The following SASH1 variants were observed in gnomAD, a reference collection of about 807,000 sequenced individuals.
SASH1 encodes SAM and SH3 domain containing 1.
Under a neutral mutation model 125.2 loss-of-function variants are expected in SASH1, and 44 were observed. The ratio of observed to expected loss-of-function variants is 0.35; its 90% CI spans 0.28 to 0.45. SASH1 has a LOEUF of 0.45. Ranked by LOEUF, SASH1 falls within the 20% of genes least tolerant of loss-of-function variation. The probability of loss-of-function intolerance (pLI) is 1.00; values close to 1 mark genes in which losing one functional copy is unlikely to be tolerated. For synonymous variants in SASH1, 639 were observed against 649.1 expected (o/e 0.98, Z 0.24); for missense variants, 1,426 against 1,614.5 (o/e 0.88, Z 2.00).
intron 1 of SASH1, among the ~76,000 whole-genome samples, chr6:148,287,694 T>TG (rs71546203): frequency 1.5e-5 from 2 of 132,300 alleles, no homozygotes; most frequent in Non-Finnish European, 3.3e-5. Context: ...TGCGTGTGTG[T>TG]GGGGGGGTGG....
intron 2 of SASH1, among the ~76,000 whole-genome samples, chr6:148,439,168 G>A (rs1390834975): frequency 6.6e-6 from 1 of 152,140 alleles, no homozygotes; most frequent in African/African-American, 2.4e-5. Flanking sequence ...TTTCAAAGGA[G>A]ATACAGCCTC....
At chr6:148,260,329 TG>T in the SASH1 span, among the ~76,000 whole-genome samples, 1 of 152,162 alleles carries the variant, frequency 6.6e-6, no homozygotes, top group African/African-American at 2.4e-5. Context: ...TTTTTAAAGC[TG>T]GGTGCCATGA....
chr6:148,220,240 T>C, the SASH1 span, among the ~76,000 whole-genome samples: 1 of 152,128 alleles, frequency 6.6e-6, no homozygotes. Context: ...CTCTGCTTCC[T>C]CAATGGCACC....
intron 1 of SASH1, among the ~76,000 whole-genome samples, chr6:148,314,833 T>C (rs988625267): frequency 6.6e-6 from 1 of 151,138 alleles, no homozygotes; most frequent in Admixed American, 6.6e-5. Context: ...CTTGGCTCAC[T>C]GCAACCTCTG....
chr6:148,381,245 T>C (rs1403344220), intron 1 of SASH1, among the ~76,000 whole-genome samples: 2 of 152,262 alleles, frequency 1.3e-5, no homozygotes, highest in East Asian at 1.9e-4. Context: ...TTCTTCCCAG[T>C]AGGTAGTTGG....
intron 6 of SASH1, among the ~76,000 whole-genome samples, chr6:148,473,561 T>A (rs533811618): frequency 1.2e-4 from 19 of 152,320 alleles, no homozygotes; most frequent in African/African-American, 4.1e-4. Context: ...GTGCACTTAG[T>A]TTTGAGGAAT....
chr6:148,518,229 G>T (rs2115345450), intron 9 of SASH1, among the ~76,000 whole-genome samples: 1 of 152,216 alleles, frequency 6.6e-6, no homozygotes, highest in East Asian at 1.9e-4. Flanking sequence ...TGCCTTTAAA[G>T]TCCCCCTGAA....
At chr6:148,389,229 C>G (rs1387770838) in intron 1 of SASH1, among the ~76,000 whole-genome samples, 2 of 152,202 alleles carry the variant, frequency 1.3e-5, no homozygotes, top group Non-Finnish European at 2.9e-5. Flanking sequence ...CGTGTTACTC[C>G]AGTAGTCCTC....
chr6:148,544,943 A>G lies in SASH1; in HGVS notation c.3348+125A>G, dbSNP rs1334367087. ...CGCCCAGTGGACAGGAGACACCTGAATCCACGTGTCCACACCTTACTTGAC... is the reference window on the plus strand; with the variant it reads ...CGCCCAGTGGACAGGAGACACCTGAGTCCACGTGTCCACACCTTACTTGAC... On this transcript the variant is annotated intron_variant, in intron 18 of 19. Transcript: ENST00000367467. The surrounding 1 kb of genome is among the most constrained non-coding windows in gnomAD (Gnocchi z 6.4). The G allele has an allele frequency of 1.1e-5, 9 of 845,942 alleles. No homozygotes were observed. Among genetic ancestry groups the G allele is most frequent in the Non-Finnish European group, 1.6e-5 (9 of 558,002 alleles). 52.4% of individuals were successfully genotyped at this position (845,942 alleles called of 1,614,324 possible).
chr6:148,297,188 G>T (rs1779787424), intron 1 of SASH1, among the ~76,000 whole-genome samples: 1 of 152,216 alleles, frequency 6.6e-6, no homozygotes, highest in Non-Finnish European at 1.5e-5. Context: ...CTGTCGCGGG[G>T]AGCAGCCGAC....
chr6:148,536,640 A>C (rs1329145033), intron 16 of SASH1, among the ~76,000 whole-genome samples: 1 of 152,176 alleles, frequency 6.6e-6, no homozygotes, highest in Admixed American at 6.5e-5. Context: ...GCATCCAACC[A>C]ACAGCTGGTT....
At chr6:148,326,034 CTT>C (rs67220775) in intron 1 of SASH1, among the ~76,000 whole-genome samples, 10 of 142,104 alleles carry the variant, frequency 7.0e-5, no homozygotes, top group Admixed American at 4.2e-4. Context: ...TGCTCTTGAA[CTT>C]TTTTTTTTTT....
chr6:148,478,977 T>C (rs531690707), intron 7 of SASH1: 1 of 155,064 alleles, frequency 6.4e-6, no homozygotes, highest in East Asian at 1.9e-4. Flanking sequence ...ATGAGAAGTA[T>C]GGACCTGTAT....
At position 148,520,233 on chromosome 6, in the gene SASH1, C is replaced by T. The variant is rs140309117; in HGVS notation, c.1209+340C>T. 9 of 243,758 alleles carry T rather than the reference C, an allele frequency of 3.7e-5. No individual in the cohort carries two copies. The East Asian group carries it at 4.5e-4, about 12-fold the overall frequency. The allele number at this position is 243,758 out of a possible 1,614,324, so 15.1% of individuals were successfully genotyped here. ...CCACCTGAACCTGACCCAGCTAGTG[C>T]GGCCTGCCTCAGACAGGACCCTGAG... On this transcript the variant is annotated intron_variant, in intron 10 of 19. Transcript: ENST00000367467.
intron 8 of SASH1, among the ~76,000 whole-genome samples, chr6:148,492,702 T>G (rs1779157032): frequency 6.6e-6 from 1 of 152,050 alleles, no homozygotes. Flanking sequence ...GTGCCTATAG[T>G]CCCAGCTACT....
At chr6:148,514,826 G>A (rs957144681) in intron 9 of SASH1, among the ~76,000 whole-genome samples, 1 of 152,200 alleles carries the variant, frequency 6.6e-6, no homozygotes, top group Non-Finnish European at 1.5e-5. Context: ...TTCTTGCTCA[G>A]TGAATTTAGT....
chr6:148,544,905 C>G lies in SASH1; in HGVS notation c.3348+87C>G, dbSNP rs921727960. On this transcript the variant is annotated intron_variant, in intron 18 of 19. Coordinates refer to ENST00000367467, the MANE Select transcript of SASH1 (RefSeq NM_015278.5). This position sits in a 1 kb window ranked among gnomAD's most constrained non-coding sequence, Gnocchi z 6.4. Reference sequence around the variant, plus strand: ...GGTGAGATGAACCCACATCTGAAGCCAGCCCGGTAGCCCGCCCAGTGGACA... The same window carrying G: ...GGTGAGATGAACCCACATCTGAAGCGAGCCCGGTAGCCCGCCCAGTGGACA... The G allele has an allele frequency of 6.3e-5, 86 of 1,357,724 alleles. No homozygotes were observed. In the Admixed American group the frequency reaches 2.2e-3, roughly 34 times the overall value. The allele number at this position is 1,357,724 out of a possible 1,614,324, so 84.1% of individuals were successfully genotyped here.
chr6:148,198,421 T>C, the SASH1 span, among the ~76,000 whole-genome samples: 44 of 152,384 alleles, frequency 2.9e-4, no homozygotes, highest in East Asian at 8.1e-3. Context: ...TCTGTCTTTA[T>C]TGATATTGAG....
At chr6:148,371,421 T>C (rs899923079) in intron 1 of SASH1, among the ~76,000 whole-genome samples, 3 of 151,750 alleles carry the variant, frequency 2.0e-5, no homozygotes, top group African/African-American at 7.3e-5. Flanking sequence ...TACACCTAGC[T>C]AAATTTTTTT....
Sources: gnomAD v4.1 joint callset for allele counts (sites outside exome capture counted in the v4.1 genomes callset) on GRCh38, gnomAD v4.1.1 for gene constraint, Gnocchi (gnomAD v3.1) non-coding constraint, MANE v1.5 for transcripts, NCBI Gene and HGNC (gene_info 2026-07-23, HGNC 2026-07-21) for gene names.